PCDH17: variants seen among roughly 807,000 people sequenced by gnomAD.
PCDH17 encodes protocadherin-17.
Under a neutral mutation model 67.7 loss-of-function variants are expected in PCDH17, and 21 were observed. The ratio of observed to expected loss-of-function variants is 0.31; its 90% CI spans 0.22 to 0.45. The LOEUF (loss-of-function observed/expected upper bound fraction) is 0.45. Ranked by LOEUF, PCDH17 falls within the 20% of genes least tolerant of loss-of-function variation. The pLI, the probability that PCDH17 is intolerant of heterozygous loss-of-function variation, is 1.00. For synonymous variants in PCDH17, 701 were observed against 656.7 expected (o/e 1.07, Z -1.03); for missense variants, 1,471 against 1,564.8 (o/e 0.94, Z 1.01).
chr13:57,704,181 G>A (rs1225429792), intron 3 of PCDH17, among the ~76,000 whole-genome samples: 1 of 152,020 alleles, frequency 6.6e-6, no homozygotes, highest in South Asian at 2.1e-4. Context: ...TCACAACCCG[G>A]CTGTACCTGT....
chr13:57,642,242 G>T (rs1201797881), intron 1 of PCDH17, among the ~76,000 whole-genome samples: 1 of 151,608 alleles, frequency 6.6e-6, no homozygotes, highest in Non-Finnish European at 1.5e-5. Context: ...ACACATTAAA[G>T]GGACTATTTA....
chr13:57,649,041 T>C (rs1955003756), intron 1 of PCDH17, among the ~76,000 whole-genome samples: 1 of 152,056 alleles, frequency 6.6e-6, no homozygotes, highest in African/African-American at 2.4e-5. Flanking sequence ...TTCATGTACC[T>C]TGGAAAAGAG....
intron 1 of PCDH17, among the ~76,000 whole-genome samples, chr13:57,663,761 GA>G (rs1955214177): frequency 6.6e-6 from 1 of 152,106 alleles, no homozygotes; most frequent in Admixed American, 6.6e-5. Context: ...TGTACTTTGT[GA>G]AATTCTATAA....
chr13:57,674,729 ATTAG>A (rs1385990283), intron 3 of PCDH17, among the ~76,000 whole-genome samples: 13 of 151,962 alleles, frequency 8.6e-5, no homozygotes, highest in African/African-American at 2.7e-4. Flanking sequence ...AGTTATCAGC[ATTAG>A]TTAGTTAAGA....
intron 1 of PCDH17, among the ~76,000 whole-genome samples, chr13:57,649,008 G>C (rs534989651): frequency 1.1e-4 from 16 of 152,178 alleles, no homozygotes; most frequent in African/African-American, 3.8e-4. Context: ...GCCAGCATTT[G>C]TGTATTGCTC....
At chr13:57,716,063 A>C (rs1319928047) in intron 3 of PCDH17, among the ~76,000 whole-genome samples, 1 of 151,966 alleles carries the variant, frequency 6.6e-6, no homozygotes, top group Non-Finnish European at 1.5e-5. Flanking sequence ...CCAGTGAATC[A>C]TTCAGGTCTT....
intron 3 of PCDH17, among the ~76,000 whole-genome samples, chr13:57,694,252 C>A: frequency 6.6e-6 from 1 of 151,180 alleles, no homozygotes; most frequent in East Asian, 1.9e-4. Context: ...GACCTGAGTT[C>A]TGTTTGCAAC....
intron 3 of PCDH17, among the ~76,000 whole-genome samples, chr13:57,704,052 G>C (rs1171795371): frequency 6.6e-6 from 1 of 151,990 alleles, no homozygotes; most frequent in Non-Finnish European, 1.5e-5. Context: ...AAAAATTTAA[G>C]ATAAGATTTA....
chr13:57,631,351 G>C (rs983100087), upstream of PCDH17, among the ~76,000 whole-genome samples: 5 of 152,096 alleles, frequency 3.3e-5, no homozygotes, highest in Non-Finnish European at 7.3e-5. Flanking sequence ...GTGTGTGCAA[G>C]GACTGGGAGG....
intron 3 of PCDH17, among the ~76,000 whole-genome samples, chr13:57,669,110 G>A (rs184859660): frequency 6.6e-6 from 1 of 151,650 alleles, no homozygotes; most frequent in South Asian, 2.1e-4. Flanking sequence ...TTGTCCTTTC[G>A]ATAGTTTGCT....
At chr13:57,696,976 A>G (rs1349993880) in intron 3 of PCDH17, among the ~76,000 whole-genome samples, 2 of 151,558 alleles carry the variant, frequency 1.3e-5, no homozygotes, top group Non-Finnish European at 3.0e-5. Context: ...GTTTTAAATA[A>G]TTCTTAATTT....
chr13:57,721,625 A>C (rs190550336), intron 3 of PCDH17, among the ~76,000 whole-genome samples: 6 of 152,136 alleles, frequency 3.9e-5, no homozygotes, highest in Non-Finnish European at 4.4e-5. Flanking sequence ...AAATACTGTG[A>C]ATACACCCCT....
chr13:57,694,861 T>C (rs1734545340), intron 3 of PCDH17, among the ~76,000 whole-genome samples: 1 of 151,222 alleles, frequency 6.6e-6, no homozygotes, highest in Admixed American at 6.6e-5. Context: ...TTCTAGAGTA[T>C]ATTAATCAAG....
chr13:57,716,084 T>C (rs200734543), intron 3 of PCDH17, among the ~76,000 whole-genome samples: 1 of 151,952 alleles, frequency 6.6e-6, no homozygotes, highest in African/African-American at 2.4e-5. Flanking sequence ...GTTGTGTCTG[T>C]TGGAGATACT....
At chr13:57,674,171 A>G (rs940999322) in intron 3 of PCDH17, among the ~76,000 whole-genome samples, 2 of 151,954 alleles carry the variant, frequency 1.3e-5, no homozygotes, top group African/African-American at 4.8e-5. Flanking sequence ...TTTTGCTAAA[A>G]TTAGGGAATG....
At chr13:57,724,494 C>G (rs1424642472) in intron 3 of PCDH17, 118 bp from the exon 4 acceptor site, 3 of 725,278 alleles carry the variant, frequency 4.1e-6, no homozygotes, top group South Asian at 2.0e-5. Context: ...GTTTTCTTTT[C>G]CTTTTTAATT....
intron 1 of PCDH17, among the ~76,000 whole-genome samples, chr13:57,657,757 A>AT (rs1955125934): frequency 6.6e-6 from 1 of 152,212 alleles, no homozygotes; most frequent in Non-Finnish European, 1.5e-5. Flanking sequence ...ATTCAAGGGT[A>AT]TTTTTCAAAA....
intron 1 of PCDH17, among the ~76,000 whole-genome samples, chr13:57,649,583 A>T (rs190358147): frequency 7.9e-5 from 12 of 152,320 alleles, no homozygotes; most frequent in Admixed American, 7.8e-4. Flanking sequence ...CTGTCATTTG[A>T]CATAAAATTA....
chr13:57,646,689 T>C (rs527501860), intron 1 of PCDH17, among the ~76,000 whole-genome samples: 15 of 151,876 alleles, frequency 9.9e-5, no homozygotes, highest in African/African-American at 3.6e-4. Context: ...AGAATTCATT[T>C]TCAACCTTCG....
Sources: allele counts gnomAD v4.1 joint callset (sites outside exome capture counted in the v4.1 genomes callset), GRCh38; gene constraint gnomAD v4.1.1; transcripts MANE v1.5; gene names NCBI Gene and HGNC (gene_info 2026-07-23, HGNC 2026-07-21).